Variants in ROBO2 observed in about 807,000 individuals in gnomAD.
ROBO2 encodes roundabout homolog 2.
Under a neutral mutation model 160.8 loss-of-function variants are expected in ROBO2, and 53 were observed. The ratio of observed to expected loss-of-function variants is 0.33; its 90% CI spans 0.26 to 0.41. ROBO2 has a LOEUF of 0.41. Ranked by LOEUF, ROBO2 falls within the 10% of genes least tolerant of loss-of-function variation. ROBO2 has a pLI of 1.00. For missense variants in ROBO2, 1,577 were observed against 1,722.4 expected, an observed-to-expected ratio of 0.92 and a Z score of 1.49; for synonymous variants, 664 against 611.7, an observed-to-expected ratio of 1.09 and a Z score of -1.26.
chr3:76,427,677 A>G (rs1283883481), intron 2 of ROBO2, among the ~76,000 whole-genome samples: 1 of 152,156 alleles, frequency 6.6e-6, no homozygotes, highest in Admixed American at 6.5e-5. Flanking sequence ...TAAATAATAC[A>G]TTTTGTTGCT....
intron 2 of ROBO2, among the ~76,000 whole-genome samples, chr3:76,049,503 C>G: frequency 6.7e-6 from 1 of 148,186 alleles, no homozygotes; most frequent in Non-Finnish European, 1.5e-5. Flanking sequence ...CTCAGTCTCC[C>G]AAAGTGCTGG....
At chr3:77,245,503 T>G (rs7620174) in intron 2 of ROBO2, among the ~76,000 whole-genome samples, 150,965 of 152,326 alleles carry the variant, frequency 0.99, 74,820 homozygotes, top group East Asian at 1. Flanking sequence ...ATCTCCAGAA[T>G]TGGGTCTGGT....
rs115283916 is a variant in ROBO2, at chr3:76,934,492, G to A, written c.110-163522G>A. On this transcript the variant is annotated intron_variant, in intron 2 of 26. Transcript: ENST00000487694. Reference sequence around the variant, plus strand: ...GCATGGTGGCCCACACCTATAATCCGAGCACTTTAGGAGAACGAGAGGGCC... The same window carrying A: ...GCATGGTGGCCCACACCTATAATCCAAGCACTTTAGGAGAACGAGAGGGCC... Among the ~76,000 whole-genome samples the A allele has an allele frequency of 3.5e-3, 525 of 150,688 alleles. 2 individuals carry two copies. Among genetic ancestry groups the A allele is most frequent in the African/African-American group, 0.012 (504 of 41,190 alleles).
At chr3:76,958,399 CCTCAG>C (rs2079430738) in intron 2 of ROBO2, among the ~76,000 whole-genome samples, 1 of 152,232 alleles carries the variant, frequency 6.6e-6, no homozygotes, top group Non-Finnish European at 1.5e-5. Context: ...CTCTTCCTCT[CCTCAG>C]CTCATGCTTT....
chr3:77,578,644 ATGT>A (rs1474118560), intron 15 of ROBO2, among the ~76,000 whole-genome samples: 4 of 152,118 alleles, frequency 2.6e-5, no homozygotes, highest in Admixed American at 1.3e-4. Flanking sequence ...GATTTCTATC[ATGT>A]TGTAAAGACA....
At chr3:77,393,222 G>T (rs1164451720) in intron 2 of ROBO2, among the ~76,000 whole-genome samples, 3 of 152,006 alleles carry the variant, frequency 2.0e-5, no homozygotes, top group Admixed American at 2.0e-4. Flanking sequence ...ATTGAATAAT[G>T]TATCAATTTC....
chr3:76,886,324 G>A lies in ROBO2; in HGVS notation c.110-211690G>A, dbSNP rs180795805. On this transcript the variant is annotated intron_variant, in intron 2 of 26. Transcript: ENST00000487694. ...TTCATTAAAGCTTTGGAAAAGCAAG[G>A]ACACATAGTTCTTCAAAACTGTTTC... is the stretch of plus-strand genomic sequence containing the variant. 2.4e-3 allele frequency among the ~76,000 whole-genome samples: 368 copies of A among 151,648 alleles called. 1 individual carries two copies. The highest frequency in any genetic ancestry group is 6.9e-3 in the Middle Eastern group (2 of 290).
chr3:76,422,255 C>G (rs2076027422), intron 2 of ROBO2, among the ~76,000 whole-genome samples: 1 of 152,200 alleles, frequency 6.6e-6, no homozygotes, highest in Non-Finnish European at 1.5e-5. Context: ...ACTGCCCACT[C>G]TAGTCTCTCC....
At chr3:77,516,320 C>A (rs1299721203) in intron 5 of ROBO2, among the ~76,000 whole-genome samples, 1 of 151,400 alleles carries the variant, frequency 6.6e-6, no homozygotes. Flanking sequence ...TAATAGCTTC[C>A]CACTTTACCT....
intron 2 of ROBO2, among the ~76,000 whole-genome samples, chr3:77,284,905 T>C (rs1488589218): frequency 6.6e-6 from 1 of 152,160 alleles, no homozygotes; most frequent in Non-Finnish European, 1.5e-5. Flanking sequence ...CTTCCATGCT[T>C]TGAACTTTGG....
chr3:77,004,705 A>G (rs1303369593), intron 2 of ROBO2, among the ~76,000 whole-genome samples: 1 of 152,184 alleles, frequency 6.6e-6, no homozygotes, highest in African/African-American at 2.4e-5. Flanking sequence ...TTTCAGTAAA[A>G]TGTTTCGGTG....
chr3:76,396,789 G>A (rs781671468), intron 2 of ROBO2, among the ~76,000 whole-genome samples: 7 of 152,106 alleles, frequency 4.6e-5, no homozygotes, highest in Admixed American at 2.0e-4. Context: ...CCTCCTCAAG[G>A]AGAACTACAA....
intron 2 of ROBO2, among the ~76,000 whole-genome samples, chr3:77,114,341 G>T (rs1579095068): frequency 6.6e-6 from 1 of 152,224 alleles, no homozygotes; most frequent in Non-Finnish European, 1.5e-5. Context: ...ACCAGCCTTG[G>T]ATATCAAATA....
chr3:76,799,087 G>T (rs968896424), intron 2 of ROBO2, among the ~76,000 whole-genome samples: 1 of 151,796 alleles, frequency 6.6e-6, no homozygotes, highest in African/African-American at 2.4e-5. Flanking sequence ...GGTGGCAGGC[G>T]CCTGCAGTCC....
chr3:76,097,453 G>C (rs1032896146), intron 2 of ROBO2, among the ~76,000 whole-genome samples: 1 of 152,042 alleles, frequency 6.6e-6, no homozygotes, highest in Non-Finnish European at 1.5e-5. Flanking sequence ...ATGAGTTCCT[G>C]GTGTGTCATG....
At chr3:76,412,299 T>A (rs1259114903) in intron 2 of ROBO2, among the ~76,000 whole-genome samples, 2 of 152,216 alleles carry the variant, frequency 1.3e-5, no homozygotes, top group Non-Finnish European at 2.9e-5. Flanking sequence ...AGTTGAGGTT[T>A]CAATGGAAAC....
intron 2 of ROBO2, among the ~76,000 whole-genome samples, chr3:76,395,023 A>AT (rs1234199820): frequency 2.0e-5 from 3 of 152,036 alleles, no homozygotes; most frequent in African/African-American, 4.8e-5. Context: ...CAGAATATAC[A>AT]TTTTTTTCAG....
intron 2 of ROBO2, among the ~76,000 whole-genome samples, chr3:77,112,491 G>T (rs1437361998): frequency 1.3e-5 from 2 of 151,916 alleles, no homozygotes; most frequent in Non-Finnish European, 2.9e-5. Context: ...TGATGCGCCC[G>T]CCTCGGCCTC....
rs534638929 is a variant in ROBO2, at chr3:76,363,794, A to G, written c.109+426192A>G. On this transcript the variant is annotated intron_variant, in intron 2 of 26. Coordinates refer to the ROBO2 transcript ENST00000487694. ...TTAGTGGATGTTTTGAAAGTGCTTA[A>G]GAGTTTTTTTTTTAAATGTTTTATT... Among the ~76,000 whole-genome samples the G allele has an allele frequency of 3.3e-5, 5 of 152,174 alleles. No homozygotes were observed. In the South Asian group the frequency reaches 1.0e-3, roughly 32 times the overall value.
Sources: allele counts gnomAD v4.1 joint callset (sites outside exome capture counted in the v4.1 genomes callset), GRCh38; gene constraint gnomAD v4.1.1; transcripts MANE v1.5; gene names NCBI Gene and HGNC (gene_info 2026-07-23, HGNC 2026-07-21).